The following EDA variants were observed in gnomAD, a reference collection of about 807,000 sequenced individuals.
The protein encoded by EDA is ectodysplasin-A.
In EDA, 2 loss-of-function variants were observed where a neutral mutation model predicts 23.6. The ratio of observed to expected loss-of-function variants is 0.08; its 90% CI spans 0.03 to 0.27. The LOEUF (loss-of-function observed/expected upper bound fraction) is 0.27, where lower values mean the gene tolerates loss of function less well. Among genes scored for constraint, EDA ranks in the 10% least tolerant of loss-of-function variants. EDA has a pLI of 1.00. For missense variants in EDA, 229 were observed against 324.2 expected (o/e 0.71, Z 2.26); for synonymous variants, 131 against 132.0 (o/e 0.99, Z 0.05).
intron 1 of EDA, among the ~76,000 whole-genome samples, chrX:69,793,498 G>T (rs2015459587): frequency 9.4e-6 from 1 of 105,950 alleles, no homozygotes; most frequent in Admixed American, 1.0e-4. Flanking sequence ...CTCACCTCTT[G>T]CATGTTGGCT....
Position 69,616,998 on chromosome X carries a change from C to A in EDA, c.396+294C>A, listed in dbSNP as rs1163637368. On this transcript the variant is annotated intron_variant, in intron 1 of 7. Coordinates refer to ENST00000374552, the MANE Select transcript of EDA (RefSeq NM_001399.5). ...TGGCGACGCTCCCGTCGAGGAGGTGCCTGCGCTGCCCCCCGGCCGACTAAC... is the reference window on the plus strand; with the variant it reads ...TGGCGACGCTCCCGTCGAGGAGGTGACTGCGCTGCCCCCCGGCCGACTAAC... 7 of 418,005 alleles carry A rather than the reference C, an allele frequency of 1.7e-5. No individual in the cohort carries two copies. In the Admixed American group the frequency reaches 2.2e-4, roughly 13 times the overall value. The allele number at this position is 418,005 out of a possible 1,213,427, so 34.4% of individuals were successfully genotyped here.
chrX:69,818,531 G>T (rs757955259), intron 1 of EDA, among the ~76,000 whole-genome samples: 1 of 111,258 alleles, frequency 9.0e-6, no homozygotes, highest in East Asian at 2.8e-4. Context: ...ATTATAAGGG[G>T]GATATCACCA....
rs754478417 is a variant in EDA at position 69,660,212 on chromosome X, T to G, written c.396+43508T>G. 3.6e-5 allele frequency among the ~76,000 whole-genome samples: 4 copies of G among 111,845 alleles called. No homozygotes were observed. In the East Asian group the frequency reaches 1.1e-3, roughly 32 times the overall value. On this transcript the variant is annotated intron_variant, in intron 1 of 7. Transcript: ENST00000374552. ...CTCCTATATGTAGCTTTGAATAGGCTTAGGTATTAAATCATGTCTTAGGAA... is the reference window on the plus strand; with the variant it reads ...CTCCTATATGTAGCTTTGAATAGGCGTAGGTATTAAATCATGTCTTAGGAA...
intron 1 of EDA, among the ~76,000 whole-genome samples, chrX:69,847,228 A>G (rs1221081665): frequency 8.9e-6 from 1 of 111,744 alleles, no homozygotes; most frequent in Non-Finnish European, 1.9e-5. Flanking sequence ...TCAGTGGCCT[A>G]TACTAGACAT....
chrX:69,752,574 G>T (rs891371900), intron 1 of EDA, among the ~76,000 whole-genome samples: 4 of 111,735 alleles, frequency 3.6e-5, no homozygotes, highest in African/African-American at 1.3e-4. Flanking sequence ...TTTGGTATCA[G>T]GATGATGTTG....
intron 1 of EDA, among the ~76,000 whole-genome samples, chrX:69,715,693 C>T (rs771720093): frequency 5.4e-5 from 6 of 111,975 alleles, no homozygotes; most frequent in African/African-American, 1.9e-4. Flanking sequence ...ATTTATTCTC[C>T]CACTAACAGT....
chrX:69,861,114 A>G (rs2017376409), intron 1 of EDA: 5 of 376,638 alleles, frequency 1.3e-5, no homozygotes, highest in Non-Finnish European at 2.3e-5. Context: ...CAAAAGATGT[A>G]CTTCACAGAA....
At chrX:69,888,597 T>C (rs57685181) in intron 1 of EDA, among the ~76,000 whole-genome samples, 2,969 of 107,234 alleles carry the variant, frequency 0.028, 102 homozygotes, top group African/African-American at 0.095. Flanking sequence ...AGTGAATAGA[T>C]GAAAAAATAT....
At chrX:69,922,758 A>C (rs1162859134) in intron 1 of EDA, among the ~76,000 whole-genome samples, 1 of 111,898 alleles carries the variant, frequency 8.9e-6, no homozygotes, top group African/African-American at 3.2e-5. Context: ...GCTACAACGT[A>C]GGCAAAGGAA....
At chrX:69,999,637 GA>G (rs1249706240) in intron 2 of EDA, among the ~76,000 whole-genome samples, 2 of 101,962 alleles carry the variant, frequency 2.0e-5, no homozygotes, top group East Asian at 2.9e-4. Flanking sequence ...AAAAAAAAAG[GA>G]AAAAAAGAAA....
chrX:69,929,102 CT>C (rs752650422), intron 1 of EDA, among the ~76,000 whole-genome samples: 34 of 111,592 alleles, frequency 3.0e-4, no homozygotes, highest in Non-Finnish European at 4.9e-4. Flanking sequence ...TATGGCAGCA[CT>C]TTCCACACAA....
intron 1 of EDA, among the ~76,000 whole-genome samples, chrX:69,621,573 A>G (rs1002667822): frequency 8.9e-6 from 1 of 111,896 alleles, no homozygotes; most frequent in Non-Finnish European, 1.9e-5. Flanking sequence ...ATCTTTCTCC[A>G]TAGTGCCTGA....
chrX:69,957,947 G>A (rs1056161111), intron 2 of EDA, among the ~76,000 whole-genome samples: 2 of 112,035 alleles, frequency 1.8e-5, no homozygotes, highest in African/African-American at 6.5e-5. Context: ...ATTTCTCTTT[G>A]TATAAGCCTA....
At chrX:69,755,808 T>C (rs1293705383) in intron 1 of EDA, among the ~76,000 whole-genome samples, 3 of 112,483 alleles carry the variant, frequency 2.7e-5, no homozygotes, top group African/African-American at 6.5e-5. Context: ...CAGTTCGATC[T>C]CAGACTGCTG....
chrX:69,788,101 G>A (rs1353412519), intron 1 of EDA, among the ~76,000 whole-genome samples: 1 of 111,017 alleles, frequency 9.0e-6, no homozygotes, highest in Non-Finnish European at 1.9e-5. Context: ...TGAGGCTTCT[G>A]CATTCTTCAC....
intron 1 of EDA, among the ~76,000 whole-genome samples, chrX:69,649,099 A>G (rs752213594): frequency 1.8e-5 from 2 of 111,614 alleles, no homozygotes; most frequent in Non-Finnish European, 3.8e-5. Flanking sequence ...GTCAGTCCCA[A>G]TGGGAGAACC....
At chrX:69,860,138 T>G (rs974956524) in intron 1 of EDA, among the ~76,000 whole-genome samples, 1 of 111,436 alleles carries the variant, frequency 9.0e-6, no homozygotes, top group South Asian at 3.8e-4. Flanking sequence ...GTGAGATGGA[T>G]CTCTTGAAGA....
chrX:69,726,807 G>A (rs775803400), intron 1 of EDA, among the ~76,000 whole-genome samples: 1 of 112,290 alleles, frequency 8.9e-6, no homozygotes, highest in South Asian at 3.7e-4. Context: ...TTACAGGAGC[G>A]GGAGCACACG....
At chrX:69,872,349 A>T (rs757216609) in intron 1 of EDA, among the ~76,000 whole-genome samples, 1 of 112,072 alleles carries the variant, frequency 8.9e-6, no homozygotes, top group African/African-American at 3.2e-5. Flanking sequence ...ACAAAAAAAC[A>T]AAGTATTCAA....
Sources: allele counts gnomAD v4.1 joint callset (sites outside exome capture counted in the v4.1 genomes callset), GRCh38; gene constraint gnomAD v4.1.1; transcripts MANE v1.5; gene names NCBI Gene and HGNC (gene_info 2026-07-23, HGNC 2026-07-21).